Variants in MAN2A2 observed in about 807,000 individuals in gnomAD.
MAN2A2 encodes alpha-mannosidase 2x.
In MAN2A2, 79 loss-of-function variants were observed where a neutral mutation model predicts 126.8. The ratio of observed to expected loss-of-function variants is 0.62; its 90% CI spans 0.52 to 0.75. The LOEUF is 0.75. Ranked by LOEUF, MAN2A2 falls within the 30% of genes least tolerant of loss-of-function variation. The pLI is 0.00. For missense variants in MAN2A2, 1,392 were observed against 1,522.4 expected, an observed-to-expected ratio of 0.91 and a Z score of 1.43; for synonymous variants, 671 against 618.7, an observed-to-expected ratio of 1.08 and a Z score of -1.25.
chr15:90,907,282 G>T, intron 7 of MAN2A2, 27 bp from the exon 8 acceptor site: 2 of 1,604,964 alleles, frequency 1.2e-6, no homozygotes, highest in South Asian at 2.2e-5. Flanking sequence ...GCCTGCTGGT[G>T]GTGACCACGT....
In MAN2A2 at chr15:90,910,519, C is replaced by T. The variant is rs1403069481; in HGVS notation, c.1596C>T (p.Tyr532=). Residue 532 remains tyrosine (Y), a synonymous_variant, in exon 11 of 23, where the codon TAC becomes TAT. Coordinates refer to ENST00000559717, the MANE Select transcript of MAN2A2 (RefSeq NM_006122.4). ...TGGGCAGGGGGGCAGAGGTTCTGTA[C>T]AGCCTGGCTGCAGCTCACGCTCGCC... The part of the protein sequence containing the change: ...EAHLRGAEVL[Y]SLAAAHARRS... 1.2e-6 allele frequency: 2 copies of T among 1,614,024 alleles called. No individual in the cohort carries two copies. The highest frequency in any genetic ancestry group is 1.7e-5 in the Admixed American group (1 of 60,032).
intron 19 of MAN2A2, 99 bp from the exon 20 acceptor site, chr15:90,916,022 TGC>T: frequency 7.3e-7 from 1 of 1,372,450 alleles, no homozygotes; most frequent in Non-Finnish European, 1.0e-6. Context: ...TCTCTCGAGC[TGC>T]GCTTTTCCGT....
chr15:90,905,120 C>T (rs575977512), intron 2 of MAN2A2, 131 bp from the exon 3 acceptor site: 2 of 975,470 alleles, frequency 2.1e-6, no homozygotes, highest in East Asian at 4.8e-5. Context: ...TCATCTATCC[C>T]TCTAGGCTCA....
At chr15:90,906,689 C>G (rs1333452319) in intron 6 of MAN2A2, 51 bp from the exon 7 acceptor site, 2 of 1,594,330 alleles carry the variant, frequency 1.3e-6, no homozygotes, top group Admixed American at 3.4e-5. Flanking sequence ...GGCCGGGGGG[C>G]CAGCCCCTGA....
chr15:90,909,474 C>T lies in MAN2A2; in HGVS notation c.1344C>T (p.Phe448=), dbSNP rs781044797. The change falls in exon 9 of 23, where the codon TTC becomes TTT. Residue 448 remains phenylalanine (F), a synonymous_variant. Transcript: ENST00000559717. ...QFFNYQRLFD[F]FNSRPNLHVQ... The stretch of plus-strand genomic sequence containing the variant: ...TCAACTACCAACGGCTCTTTGACTT[C>T]TTCAACAGCAGGCCTAACCTCCATG... The T allele has an allele frequency of 2.5e-6, 4 of 1,613,984 alleles. No homozygotes were observed. In the African/African-American group the frequency reaches 4.0e-5, roughly 16 times the overall value.
Position 90,918,179 on chromosome 15 carries a change from G to A in MAN2A2, c.2995-15G>A, listed in dbSNP as rs781328084. 21 of 1,607,844 alleles carry A rather than the reference G, an allele frequency of 1.3e-5. No homozygotes were observed. The highest frequency in any genetic ancestry group is 4.5e-5 in the East Asian group (2 of 44,738). On this transcript the variant is annotated splice_polypyrimidine_tract_variant and intron_variant, in intron 20 of 22. Transcript: ENST00000559717. ...GGCTTTGGTCCCTCACCAATATCTC[G>A]GGTCAATTTTGCAGGTCCAAGATAG...
chr15:90,912,507 G>C, intron 15 of MAN2A2, 35 bp from the exon 16 acceptor site: 1 of 1,608,830 alleles, frequency 6.2e-7, no homozygotes, highest in Non-Finnish European at 8.5e-7. Context: ...ACATGCTGGT[G>C]TGGGGCCAGG....
intron 6 of MAN2A2, 73 bp from the exon 7 acceptor site, chr15:90,906,667 C>T: frequency 6.3e-7 from 1 of 1,583,834 alleles, no homozygotes; most frequent in African/African-American, 1.3e-5. Flanking sequence ...GCTGGGGTCC[C>T]AGCACCTGGA....
At chr15:90,919,085 G>A (rs1408339027) in intron 22 of MAN2A2, among the ~76,000 whole-genome samples, 1 of 152,200 alleles carries the variant, frequency 6.6e-6, no homozygotes, top group East Asian at 1.9e-4. Flanking sequence ...CGGGTGCCAG[G>A]TCCTCTGCTG....
chr15:90,918,197 C>T lies in MAN2A2; in HGVS notation c.2998C>T (p.Gln1000Ter), dbSNP rs752377423. The T allele has an allele frequency of 1.9e-6, 3 of 1,612,594 alleles. No individual in the cohort carries two copies. The highest frequency in any genetic ancestry group is 2.5e-6 in the Non-Finnish European group (3 of 1,179,062). The change falls in exon 21 of 23, where the codon CAA (glutamine) becomes TAA (stop). Residue 1000 changes from glutamine (Q) to a stop codon, truncating the protein, a stop_gained. Transcript: ENST00000559717. LOFTEE classifies it high-confidence loss of function. Reference sequence around the variant, plus strand: ...ATATCTCGGGTCAATTTTGCAGGTCCAAGATAGCCACTCTACCAGCTACCC... The same window carrying T: ...ATATCTCGGGTCAATTTTGCAGGTCTAAGATAGCCACTCTACCAGCTACCC... ...LERRTVGSEV[Q>*]DSHSTSYPSL...
At chr15:90,917,106 A>G (rs2035246917) in intron 20 of MAN2A2, among the ~76,000 whole-genome samples, 1 of 152,256 alleles carries the variant, frequency 6.6e-6, no homozygotes, top group Admixed American at 6.5e-5. Flanking sequence ...TACGGTGGCC[A>G]GTAGCCCTAT....
Position 90,904,356 on chromosome 15 carries a change from T to G in MAN2A2, c.132+17T>G. On this transcript the variant is annotated intron_variant, in intron 2 of 22. Coordinates refer to ENST00000559717, the MANE Select transcript of MAN2A2 (RefSeq NM_006122.4). ...TTCCCCCGGGTGAGTCGTGCCTGGT[T>G]GCTAATTTCTTTGTATACAAGTCAC... 6.2e-7 allele frequency: 1 copy of G among 1,610,684 alleles called. No individual in the cohort carries two copies.
chr15:90,912,568 C>A lies in MAN2A2; in HGVS notation c.2373C>A (p.His791Gln), dbSNP rs139227537. The A allele has an allele frequency of 6.2e-6, 10 of 1,614,068 alleles. No individual in the cohort carries two copies. In the African/African-American group the frequency reaches 1.3e-4, roughly 22 times the overall value. ...LKSIRRVDEE[H>Q]EQQVDMQVLV... The stretch of plus-strand genomic sequence containing the variant: ...GCATCCGAAGGGTGGATGAGGAGCA[C>A]GAGCAGCAGGTGGACATGCAGGTCC... The change falls in exon 16 of 23, where the codon CAC becomes CAA. Residue 791 changes from histidine (H) to glutamine (Q), a missense_variant. Transcript: ENST00000559717.
rs148239728 is a variant in MAN2A2, at chr15:90,916,496, C to A, written c.2994+240C>A. 163 of 1,289,036 alleles carry A rather than the reference C, an allele frequency of 1.3e-4. No individual in the cohort carries two copies. In the East Asian group the frequency reaches 3.0e-3, roughly 24 times the overall value. The allele number at this position is 1,289,036 out of a possible 1,614,324, so 79.8% of individuals were successfully genotyped here. On this transcript the variant is annotated intron_variant, in intron 20 of 22. Transcript: ENST00000559717. ...GCCCCTCATGTTCGTCTCCCACTTT[C>A]CTCTGTGCTGCCCTCCTCTGCCCTG...
At chr15:90,906,053 C>A in intron 5 of MAN2A2, 37 bp downstream of exon 5, 1 of 1,612,002 alleles carries the variant, frequency 6.2e-7, no homozygotes, top group South Asian at 1.1e-5. Flanking sequence ...AGGGCATTGT[C>A]TGAGCCCCAG....
intron 22 of MAN2A2, among the ~76,000 whole-genome samples, chr15:90,919,346 C>T (rs1265211462): frequency 6.6e-6 from 1 of 152,256 alleles, no homozygotes; most frequent in African/African-American, 2.4e-5. Flanking sequence ...TCAAGTGATC[C>T]TCCTGCCTCA....
chr15:90,913,346 G>A lies in MAN2A2; in HGVS notation c.2658G>A (p.Leu886=), dbSNP rs371528892. ...ACTACGTCAACAAGGAGCTGGCCCT[G>A]CACATCCATACAGACATCGACAGCC... The part of the protein sequence containing the change: ...IRDYVNKELA[L]HIHTDIDSQG... The change falls in exon 18 of 23, where the codon CTG becomes CTA. Residue 886 remains leucine, a synonymous_variant. Coordinates refer to ENST00000559717, the MANE Select transcript of MAN2A2 (RefSeq NM_006122.4). The A allele has an allele frequency of 6.2e-7, 1 of 1,610,586 alleles. No homozygotes were observed. The highest frequency in any genetic ancestry group is 1.3e-5 in the African/African-American group (1 of 74,844).
In MAN2A2 at chr15:90,912,063, G is replaced by C; in HGVS notation, c.2130G>C (p.Leu710=). The change falls in exon 15 of 23, where the codon CTG becomes CTC. Residue 710 remains leucine (L), a synonymous_variant. Transcript: ENST00000559717. ...CACAGGTGTCTGTGCCTGTCCGCCT[G>C]CCAGCCCTGGGCCTGGGCGTGCTGC... ...DVYQVSVPVR[L]PALGLGVLQL... is the part of the protein sequence containing the mutation. 6.2e-7 allele frequency: 1 copy of C among 1,612,432 alleles called. No homozygotes were observed. Among genetic ancestry groups the C allele is most frequent in the South Asian group, 1.1e-5 (1 of 91,028 alleles).
chr15:90,904,534 AAG>A lies in MAN2A2; in HGVS notation c.132+197_132+198del, dbSNP rs771391993. Among the ~76,000 whole-genome samples, 5 of 100,396 alleles carry A rather than the reference AAG, an allele frequency of 5.0e-5. No homozygotes were observed. The South Asian group carries it at 1.4e-3, about 28-fold the overall frequency. The allele number at this position is 100,396 out of a possible 152,430, so 65.9% of individuals were successfully genotyped here. ...ACAGTGATGGCGAAAAGAAGGAAGG[AAG>A]AAAAAATGTCAATGGCAATGAGTAT... On this transcript the variant is annotated intron_variant, in intron 2 of 22. Transcript: ENST00000559717.
Sources: gnomAD v4.1 joint callset for allele counts (sites outside exome capture counted in the v4.1 genomes callset) on GRCh38, gnomAD v4.1.1 for gene constraint, MANE v1.5 for transcripts, NCBI Gene and HGNC (gene_info 2026-07-23, HGNC 2026-07-21) for gene names.